The following SDK1 variants were observed in gnomAD, a reference collection of about 807,000 sequenced individuals.
The protein encoded by SDK1 is protein sidekick-1.
In SDK1, 157 loss-of-function variants were observed where a neutral mutation model predicts 245.5. The ratio of observed to expected loss-of-function variants is 0.64; its 90% CI spans 0.56 to 0.73. SDK1 has a LOEUF of 0.73. SDK1 is among the 30% of genes least tolerant of loss of function. The pLI is 0.00. For missense variants in SDK1, 3,583 were observed against 3,002.3 expected (o/e 1.19, Z -4.52); for synonymous variants, 1,647 against 1,278.5 (o/e 1.29, Z -6.15).
intron 32 of SDK1, among the ~76,000 whole-genome samples, chr7:4,170,324 G>C (rs1012218391): frequency 6.6e-6 from 1 of 152,118 alleles, no homozygotes; most frequent in Non-Finnish European, 1.5e-5. Context: ...GTGCAGGTCT[G>C]TAGTCCCAGC....
chr7:4,250,811 C>G (rs1452966696), intron 44 of SDK1, among the ~76,000 whole-genome samples: 1 of 152,162 alleles, frequency 6.6e-6, no homozygotes, highest in Admixed American at 6.5e-5. Flanking sequence ...ATTCATATAT[C>G]ATATAATTTG....
chr7:3,783,089 A>G (rs1780795053), intron 4 of SDK1, among the ~76,000 whole-genome samples: 1 of 152,250 alleles, frequency 6.6e-6, no homozygotes. Flanking sequence ...TAAATGTGAT[A>G]TATCACATTA....
intron 1 of SDK1, among the ~76,000 whole-genome samples, chr7:3,559,122 T>A (rs1779673315): frequency 6.6e-6 from 1 of 152,202 alleles, no homozygotes. Context: ...AAGCCATTAG[T>A]GTGTAAGTCA....
chr7:3,556,979 AC>A, intron 1 of SDK1, among the ~76,000 whole-genome samples: 1 of 152,072 alleles, frequency 6.6e-6, no homozygotes, highest in East Asian at 1.9e-4. Context: ...CTGTAGACTC[AC>A]AAAAATTAAA....
At position 4,116,882 on chromosome 7, in the gene SDK1, G is replaced by A. The variant is rs7782357; in HGVS notation, c.3823+2608G>A. ...AGTGTTTCAGGATGGAACTGCCCAA[G>A]CAGCAGGGCTGGGCCCAGTGTCCCT... On this transcript the variant is annotated intron_variant, in intron 25 of 44. Transcript: ENST00000404826. Among the ~76,000 whole-genome samples, 1,166 of 152,322 alleles carry A rather than the reference G, an allele frequency of 7.7e-3. 18 individuals are homozygous for A. Among genetic ancestry groups the A allele is most frequent in the African/African-American group, 0.027 (1,116 of 41,568 alleles).
At chr7:3,991,654 G>C (rs376473204) in intron 14 of SDK1, among the ~76,000 whole-genome samples, 1 of 152,180 alleles carries the variant, frequency 6.6e-6, no homozygotes, top group African/African-American at 2.4e-5. Context: ...GCTGGCCGAC[G>C]TTCCCAGCTG....
intron 5 of SDK1, among the ~76,000 whole-genome samples, chr7:3,937,656 A>T (rs1780207242): frequency 6.6e-6 from 1 of 152,118 alleles, no homozygotes; most frequent in Admixed American, 6.5e-5. Flanking sequence ...CTTTGAAAAG[A>T]GCTTTGTGCC....
At chr7:3,793,295 T>C (rs1368214194) in intron 4 of SDK1, among the ~76,000 whole-genome samples, 1 of 152,190 alleles carries the variant, frequency 6.6e-6, no homozygotes, top group East Asian at 1.9e-4. Flanking sequence ...AATCTTGTCT[T>C]CCATTCCTCT....
chr7:4,022,060 C>A (rs1266132637), intron 17 of SDK1, among the ~76,000 whole-genome samples: 2 of 152,156 alleles, frequency 1.3e-5, no homozygotes, highest in Admixed American at 1.3e-4. Context: ...CTTGAAGTAC[C>A]CCCAGCTATT....
At chr7:3,959,621 A>G (rs879010207) in intron 8 of SDK1, among the ~76,000 whole-genome samples, 1 of 152,116 alleles carries the variant, frequency 6.6e-6, no homozygotes, top group Non-Finnish European at 1.5e-5. Flanking sequence ...CTCTGCATCC[A>G]TGTGCACATG....
At chr7:3,525,670 G>A (rs962034506) in intron 1 of SDK1, among the ~76,000 whole-genome samples, 1 of 151,874 alleles carries the variant, frequency 6.6e-6, no homozygotes, top group Admixed American at 6.6e-5. Flanking sequence ...GATTAATTTG[G>A]CAGGTGATAT....
At chr7:4,150,073 G>T (rs1780256168) in intron 30 of SDK1, among the ~76,000 whole-genome samples, 1 of 152,106 alleles carries the variant, frequency 6.6e-6, no homozygotes, top group Admixed American at 6.5e-5. Context: ...GTCCCCCAGG[G>T]TCCTCACAAC....
intron 22 of SDK1, among the ~76,000 whole-genome samples, chr7:4,099,538 T>G (rs1167721019): frequency 1.8e-4 from 17 of 92,360 alleles, no homozygotes; most frequent in Non-Finnish European, 3.1e-4. Flanking sequence ...GACAGAGGCA[T>G]GAAGCCCTGA....
At chr7:3,547,490 T>C (rs1413965246) in intron 1 of SDK1, among the ~76,000 whole-genome samples, 1 of 152,252 alleles carries the variant, frequency 6.6e-6, no homozygotes, top group Non-Finnish European at 1.5e-5. Flanking sequence ...TCAATTGTAA[T>C]AGCATTTTAT....
chr7:3,511,323 G>A (rs1318406305), intron 1 of SDK1, among the ~76,000 whole-genome samples: 1 of 152,134 alleles, frequency 6.6e-6, no homozygotes. Context: ...CTATTTACGT[G>A]TGTTGAGATT....
intron 27 of SDK1, among the ~76,000 whole-genome samples, chr7:4,132,033 A>G (rs1020679444): frequency 4.6e-5 from 7 of 152,092 alleles, no homozygotes; most frequent in Non-Finnish European, 7.4e-5. Context: ...GTGTCCTGGT[A>G]GGCTGGTTAC....
At chr7:3,464,398 G>A (rs1780925588) in intron 1 of SDK1, among the ~76,000 whole-genome samples, 2 of 152,124 alleles carry the variant, frequency 1.3e-5, no homozygotes, top group African/African-American at 4.8e-5. Context: ...TGGCATGCCT[G>A]TAGCCCCAGC....
intron 4 of SDK1, among the ~76,000 whole-genome samples, chr7:3,709,110 A>G (rs1784962721): frequency 6.6e-6 from 1 of 152,230 alleles, no homozygotes; most frequent in African/African-American, 2.4e-5. Flanking sequence ...AACTCCTTTT[A>G]GCATTTCTTG....
At chr7:4,084,461 A>G (rs1380318767) in intron 22 of SDK1, among the ~76,000 whole-genome samples, 2 of 152,156 alleles carry the variant, frequency 1.3e-5, no homozygotes, top group African/African-American at 4.8e-5. Context: ...TCAAGCTGAG[A>G]TGGAGCCATG....
Sources: gnomAD v4.1 joint callset for allele counts (sites outside exome capture counted in the v4.1 genomes callset) on GRCh38, gnomAD v4.1.1 for gene constraint, MANE v1.5 for transcripts, NCBI Gene and HGNC (gene_info 2026-07-23, HGNC 2026-07-21) for gene names.